The following NRXN1 variants were observed in gnomAD, a reference collection of about 807,000 sequenced individuals.
NRXN1 encodes neurexin 1.
NRXN1 carries 39 observed loss-of-function variants against 150.9 expected under a neutral mutation model. That is an observed-to-expected ratio of 0.26 (90% CI 0.20 to 0.34). NRXN1 has a LOEUF of 0.34. Among genes scored for constraint, NRXN1 ranks in the 10% least tolerant of loss-of-function variants. The pLI is 1.00. For missense variants in NRXN1, 1,815 were observed against 1,949.9 expected, an observed-to-expected ratio of 0.93 and a Z score of 1.30; for synonymous variants, 924 against 757.0, an observed-to-expected ratio of 1.22 and a Z score of -3.62.
intron 18 of NRXN1, among the ~76,000 whole-genome samples, chr2:50,149,991 C>T (rs1021948109): frequency 1.7e-4 from 26 of 151,726 alleles, no homozygotes; most frequent in African/African-American, 6.3e-4. Flanking sequence ...TTCAAACCAC[C>T]CCTTGGGTTT....
In NRXN1 at chr2:50,867,250, G is replaced by C. The variant is rs114506761; in HGVS notation, c.832+54619C>G. Among the ~76,000 whole-genome samples, 813 of 151,986 alleles carry C rather than the reference G, an allele frequency of 5.3e-3. 6 individuals carry two copies. Among genetic ancestry groups the C allele is most frequent in the African/African-American group, 0.019 (782 of 41,502 alleles). On this transcript the variant is annotated intron_variant, in intron 5 of 22. Coordinates refer to ENST00000401669, the MANE Select transcript of NRXN1 (RefSeq NM_001330078.2). ...TATGTAGTGACAGGGCAAAAACACT[G>C]AGTCCTAGATGCTCATGGCCCCTGA...
At chr2:50,915,088 T>C (rs1038825877) in intron 5 of NRXN1, among the ~76,000 whole-genome samples, 7 of 151,806 alleles carry the variant, frequency 4.6e-5, no homozygotes, top group African/African-American at 1.7e-4. Flanking sequence ...ATTGCAGTAT[T>C]AAGCAGGGTG....
Position 50,053,584 on chromosome 2 carries a change from T to C in NRXN1, c.3815A>G (p.Gln1272Arg). 6.2e-7 allele frequency: 1 copy of C among 1,613,924 alleles called. No homozygotes were observed. The highest frequency in any genetic ancestry group is 8.5e-7 in the Non-Finnish European group (1 of 1,179,872). The change falls in exon 21 of 23, where the codon CAG (glutamine) becomes CGG (arginine). Residue 1272 changes from glutamine to arginine, a missense_variant. Around this residue, in one of 6 missense-constraint regions of NRXN1, gnomAD observed 265 missense variants for 307.1 expected, o/e 0.86. Transcript: ENST00000401669. ...VDEWLLDKGR[Q>R]LTIFNSQATI... ...TGCTTGGCTATTGAAGATTGTGAGC[T>C]GACGCCCTGTAAAAATAATATTACA... is the stretch of plus-strand genomic sequence containing the variant.
At chr2:50,827,113 G>A (rs906450268) in intron 5 of NRXN1, among the ~76,000 whole-genome samples, 1 of 152,190 alleles carries the variant, frequency 6.6e-6, no homozygotes, top group Non-Finnish European at 1.5e-5. Context: ...ACAGAAATGT[G>A]ATCACTGGAT....
At chr2:50,893,846 T>C (rs1347770584) in intron 5 of NRXN1, among the ~76,000 whole-genome samples, 1 of 152,170 alleles carries the variant, frequency 6.6e-6, no homozygotes, top group Non-Finnish European at 1.5e-5. Flanking sequence ...AGTGAGAATA[T>C]GCGGTGTTTG....
chr2:50,627,002 T>C (rs1161668914), intron 5 of NRXN1, among the ~76,000 whole-genome samples: 1 of 151,878 alleles, frequency 6.6e-6, no homozygotes, highest in Non-Finnish European at 1.5e-5. Context: ...TTCCTATTAG[T>C]ATTCAGGAAA....
chr2:50,932,393 T>TA (rs1317497641), intron 2 of NRXN1, among the ~76,000 whole-genome samples: 1 of 152,040 alleles, frequency 6.6e-6, no homozygotes, highest in East Asian at 2.0e-4. Flanking sequence ...CCCTATGTAT[T>TA]AGGTCAATCT....
At chr2:50,693,917 G>A (rs908333879) in intron 5 of NRXN1, among the ~76,000 whole-genome samples, 11 of 152,256 alleles carry the variant, frequency 7.2e-5, no homozygotes, top group African/African-American at 2.4e-4. Flanking sequence ...TCAGCCTCCT[G>A]AGTATCTGGA....
chr2:49,969,118 G>C (rs1244325990), intron 21 of NRXN1, among the ~76,000 whole-genome samples: 2 of 152,036 alleles, frequency 1.3e-5, no homozygotes, highest in African/African-American at 4.8e-5. Flanking sequence ...CTTATCCCCG[G>C]CCAAATTTTT....
rs182888082 is a variant in NRXN1, at chr2:49,964,486, G to A, written c.4129-20695C>T. Among the ~76,000 whole-genome samples, 315 of 151,832 alleles carry A rather than the reference G, an allele frequency of 2.1e-3. 2 individuals carry two copies. The highest frequency in any genetic ancestry group is 2.8e-3 in the Non-Finnish European group (191 of 67,950). ...TGCCAGCTACTCGGGAGGCTGAGGC[G>A]GGAAAATTGCTTGAACTAGGGAGGT... On this transcript the variant is annotated intron_variant, in intron 21 of 22. Transcript: ENST00000401669.
intron 17 of NRXN1, among the ~76,000 whole-genome samples, chr2:50,385,419 A>T (rs1229382098): frequency 6.6e-6 from 1 of 152,226 alleles, no homozygotes; most frequent in African/African-American, 2.4e-5. Flanking sequence ...CAGTACTGCC[A>T]GAAAGCATTT....
chr2:50,572,733 G>A (rs747213909), intron 8 of NRXN1, among the ~76,000 whole-genome samples: 38 of 152,094 alleles, frequency 2.5e-4, no homozygotes, highest in Non-Finnish European at 4.7e-4. Flanking sequence ...CTCTGAGAAC[G>A]AAAAGGCCAG....
chr2:50,617,071 A>G (rs1306131633), intron 8 of NRXN1, among the ~76,000 whole-genome samples: 1 of 152,148 alleles, frequency 6.6e-6, no homozygotes, highest in East Asian at 1.9e-4. Context: ...TTCATTTCAG[A>G]AGTAACAAGA....
intron 13 of NRXN1, among the ~76,000 whole-genome samples, chr2:50,505,956 A>C (rs7583273): frequency 0.33 from 49,698 of 152,016 alleles, 9,202 homozygotes; most frequent in Middle Eastern, 0.53. Context: ...AGCTCACCTC[A>C]GGAATCTAAA....
chr2:50,229,826 T>C (rs375404923), intron 18 of NRXN1, among the ~76,000 whole-genome samples: 10 of 152,114 alleles, frequency 6.6e-5, no homozygotes, highest in African/African-American at 2.2e-4. Flanking sequence ...TTTTGAAAAA[T>C]AGTTAGTAGC....
chr2:49,986,906 A>T (rs1462575810), intron 21 of NRXN1, among the ~76,000 whole-genome samples: 1 of 152,106 alleles, frequency 6.6e-6, no homozygotes, highest in African/African-American at 2.4e-5. Flanking sequence ...TCTACAAAAA[A>T]TACAAAAAAT....
At chr2:50,761,322 C>G in intron 5 of NRXN1, among the ~76,000 whole-genome samples, 1 of 151,884 alleles carries the variant, frequency 6.6e-6, no homozygotes, top group South Asian at 2.1e-4. Flanking sequence ...TGGGAGGGAC[C>G]AGGTGGGAGG....
chr2:49,959,075 C>T (rs1034048221), intron 21 of NRXN1, among the ~76,000 whole-genome samples: 3 of 152,128 alleles, frequency 2.0e-5, no homozygotes, highest in Non-Finnish European at 2.9e-5. Context: ...TATTTCTAAG[C>T]GAATCTCAGT....
intron 17 of NRXN1, among the ~76,000 whole-genome samples, chr2:50,433,954 T>C (rs1325632700): frequency 6.6e-6 from 1 of 151,260 alleles, no homozygotes; most frequent in East Asian, 2.0e-4. Context: ...TTCACTCCCC[T>C]GACAATATTT....
Sources: gnomAD v4.1 joint callset for allele counts (sites outside exome capture counted in the v4.1 genomes callset) on GRCh38, gnomAD v4.1.1 for gene constraint, gnomAD v4.1.1 regional missense constraint, MANE v1.5 for transcripts, NCBI Gene and HGNC (gene_info 2026-07-23, HGNC 2026-07-21) for gene names.